The following CHST9 variants were observed in gnomAD, a reference collection of about 807,000 sequenced individuals.
CHST9 encodes carbohydrate sulfotransferase 9.
A neutral mutation model predicts 44.4 loss-of-function variants in CHST9; 41 were observed. That is an observed-to-expected ratio of 0.92 (90% confidence interval 0.72 to 1.20). The LOEUF is 1.20. Among genes scored for constraint, CHST9 ranks in the 50% most tolerant of loss-of-function variants. The pLI is 0.00. For synonymous variants in CHST9, 171 were observed against 178.4 expected, an observed-to-expected ratio of 0.96 and a Z score of 0.33; for missense variants, 504 against 516.5, an observed-to-expected ratio of 0.98 and a Z score of 0.23.
At chr18:27,130,413 G>T (rs780210691) in intron 2 of CHST9, among the ~76,000 whole-genome samples, 1 of 152,072 alleles carries the variant, frequency 6.6e-6, no homozygotes, top group Admixed American at 6.6e-5. Flanking sequence ...ATATCTTTCC[G>T]CTATAATTCT....
chr18:26,954,310 G>A (rs2056292410), intron 4 of CHST9, among the ~76,000 whole-genome samples: 1 of 152,184 alleles, frequency 6.6e-6, no homozygotes, highest in Admixed American at 6.5e-5. Context: ...TGGGTAGCAG[G>A]ACAGTGTGTC....
At chr18:27,112,597 G>GTGTGTGTGTGTT (rs1555624902) in intron 2 of CHST9, among the ~76,000 whole-genome samples, 30 of 150,508 alleles carry the variant, frequency 2.0e-4, no homozygotes, top group African/African-American at 7.3e-4. Flanking sequence ...GTGTGTGTGT[G>GTGTGTGTGTGTT]TGTGTGTGTG....
intron 2 of CHST9, among the ~76,000 whole-genome samples, chr18:27,094,039 T>C (rs1454944298): frequency 6.6e-6 from 1 of 152,202 alleles, no homozygotes; most frequent in East Asian, 1.9e-4. Context: ...ACGTTAAATA[T>C]CTGCAAAAGG....
chr18:27,092,786 T>C (rs2058081861), intron 2 of CHST9, among the ~76,000 whole-genome samples: 1 of 152,342 alleles, frequency 6.6e-6, no homozygotes, highest in East Asian at 1.9e-4. Flanking sequence ...GCGTTCTAGT[T>C]TGATTGCACT....
At chr18:27,052,256 ATATATATATGTGTATATATATG>A (rs1288341560) in intron 2 of CHST9, among the ~76,000 whole-genome samples, 5 of 146,666 alleles carry the variant, frequency 3.4e-5, no homozygotes, top group African/African-American at 9.8e-5. Flanking sequence ...GTGTGTGTGT[ATATATATATGTGTATATATATG>A]TATATATATG....
chr18:27,076,658 G>A (rs1033165998), intron 2 of CHST9, among the ~76,000 whole-genome samples: 6 of 152,170 alleles, frequency 3.9e-5, no homozygotes, highest in East Asian at 1.9e-4. Context: ...CAGCTTACAC[G>A]AGGGACTCCT....
In CHST9 at chr18:27,167,329, T is replaced by G. The variant is rs200905157; in HGVS notation, c.-97+17807A>C. Among the ~76,000 whole-genome samples the G allele has an allele frequency of 3.1e-4, 47 of 152,334 alleles. No homozygotes were observed. In the East Asian group the frequency reaches 8.3e-3, roughly 27 times the overall value. Reference sequence around the variant, plus strand: ...CTTCATAAATTGGTCACTATACCTCTGCAACCTAATGTCCAACTGCCCCTT... The same window carrying G: ...CTTCATAAATTGGTCACTATACCTCGGCAACCTAATGTCCAACTGCCCCTT... On this transcript the variant is annotated intron_variant, in intron 1 of 5. Coordinates refer to ENST00000618847, the MANE Select transcript of CHST9 (RefSeq NM_031422.6).
chr18:27,069,014 G>A (rs922992228), intron 2 of CHST9, among the ~76,000 whole-genome samples: 1 of 152,174 alleles, frequency 6.6e-6, no homozygotes, highest in Non-Finnish European at 1.5e-5. Context: ...TGGATTCGGG[G>A]AAGAAATTCC....
intron 2 of CHST9, among the ~76,000 whole-genome samples, chr18:27,084,636 G>A (rs1250091335): frequency 1.3e-5 from 2 of 150,788 alleles, no homozygotes; most frequent in African/African-American, 4.9e-5. Context: ...GGTTTTTTTG[G>A]TCTCAATTTT....
chr18:26,948,804 T>C (rs563153343), intron 4 of CHST9, among the ~76,000 whole-genome samples: 1 of 152,206 alleles, frequency 6.6e-6, no homozygotes, highest in Admixed American at 6.5e-5. Context: ...AGGTAAAGGA[T>C]AAGAGAGGGG....
At chr18:27,141,591 C>CAAAAAAAAA (rs34920055) in intron 2 of CHST9, among the ~76,000 whole-genome samples, 7 of 50,096 alleles carry the variant, frequency 1.4e-4, no homozygotes, top group African/African-American at 5.3e-4. Context: ...AATCCCGACT[C>CAAAAAAAAA]AAAAAAAAAA....
chr18:26,970,373 G>A lies in CHST9; in HGVS notation c.203-26007C>T, dbSNP rs1174749793. On this transcript the variant is annotated intron_variant, in intron 4 of 5. Coordinates refer to ENST00000618847, the MANE Select transcript of CHST9 (RefSeq NM_031422.6). Reference sequence around the variant, plus strand: ...CTATCTGCCAGGTACAATTCTAAATGCTGTATGTATTGATTCATTTAAACT... The same window carrying A: ...CTATCTGCCAGGTACAATTCTAAATACTGTATGTATTGATTCATTTAAACT... 2.6e-5 allele frequency among the ~76,000 whole-genome samples: 4 copies of A among 152,202 alleles called. No individual in the cohort carries two copies. The East Asian group carries it at 5.8e-4, about 22-fold the overall frequency.
intron 1 of CHST9, among the ~76,000 whole-genome samples, chr18:27,184,390 T>C (rs1378425687): frequency 6.6e-6 from 1 of 152,158 alleles, no homozygotes. Flanking sequence ...AGAAACATGC[T>C]GATAGGCAGG....
At chr18:26,927,335 C>G (rs946679444) in intron 5 of CHST9, among the ~76,000 whole-genome samples, 1 of 151,712 alleles carries the variant, frequency 6.6e-6, no homozygotes, top group Admixed American at 6.6e-5. Flanking sequence ...GGCGGGGGTA[C>G]GAGAGACTGA....
At chr18:27,100,180 C>T (rs1168099673) in intron 2 of CHST9, among the ~76,000 whole-genome samples, 1 of 151,972 alleles carries the variant, frequency 6.6e-6, no homozygotes, top group Non-Finnish European at 1.5e-5. Context: ...TACTATATGT[C>T]CTTACTTATA....
intron 4 of CHST9, among the ~76,000 whole-genome samples, chr18:26,977,994 T>G (rs2056644178): frequency 6.6e-6 from 1 of 152,040 alleles, no homozygotes; most frequent in Non-Finnish European, 1.5e-5. Context: ...ATGAGTCCCC[T>G]TTGTAGATGC....
At position 27,051,594 on chromosome 18, in the gene CHST9, G is replaced by GCC. The variant is rs144486127; in HGVS notation, c.122-3093_122-3092dup. Among the ~76,000 whole-genome samples, 747 of 152,250 alleles carry GCC rather than the reference G, an allele frequency of 4.9e-3. 8 individuals are homozygous for GCC. Among genetic ancestry groups the GCC allele is most frequent in the African/African-American group, 0.017 (689 of 41,540 alleles). On this transcript the variant is annotated intron_variant, in intron 2 of 5. Coordinates refer to ENST00000618847, the MANE Select transcript of CHST9 (RefSeq NM_031422.6). The stretch of plus-strand genomic sequence containing the variant: ...AATGAGGAACAAAGGCCTGCCAGCA[G>GCC]CCCCCACCAACTTGCTAGGCACATG...
chr18:26,980,063 A>G (rs945147737), intron 4 of CHST9, among the ~76,000 whole-genome samples: 10 of 152,144 alleles, frequency 6.6e-5, no homozygotes, highest in African/African-American at 2.4e-4. Flanking sequence ...CCCAGAGTTC[A>G]TCAAGACTAC....
At chr18:26,958,916 C>G (rs1309984477) in intron 4 of CHST9, among the ~76,000 whole-genome samples, 1 of 152,152 alleles carries the variant, frequency 6.6e-6, no homozygotes, top group Non-Finnish European at 1.5e-5. Context: ...TTGAAGATTT[C>G]TCAAAAAACT....
Sources: gnomAD v4.1 joint callset for allele counts (sites outside exome capture counted in the v4.1 genomes callset) on GRCh38, gnomAD v4.1.1 for gene constraint, MANE v1.5 for transcripts, NCBI Gene and HGNC (gene_info 2026-07-23, HGNC 2026-07-21) for gene names.